CNNM2: variants seen among roughly 807,000 people sequenced by gnomAD.
The protein encoded by CNNM2 is cyclin and CBS domain divalent metal cation transport mediator 2.
CNNM2 carries 12 observed loss-of-function variants against 66.9 expected under a neutral mutation model. The observed-to-expected ratio is 0.18, with a 90% CI of 0.11 to 0.29. The LOEUF is 0.29. Among genes scored for constraint, CNNM2 ranks in the 10% least tolerant of loss-of-function variants. The pLI is 1.00. For synonymous variants in CNNM2, 557 were observed against 501.8 expected (o/e 1.11, Z -1.47); for missense variants, 705 against 1,167.7 (o/e 0.60, Z 5.77).
chr10:103,019,262 C>T (rs1394321218), intron 1 of CNNM2, among the ~76,000 whole-genome samples: 1 of 144,768 alleles, frequency 6.9e-6, no homozygotes, highest in African/African-American at 2.6e-5. Flanking sequence ...TAGTGAGACC[C>T]TGTCTCAAAA....
intron 1 of CNNM2, among the ~76,000 whole-genome samples, chr10:102,954,766 G>A (rs569214400): frequency 7.9e-5 from 12 of 152,176 alleles, no homozygotes; most frequent in Non-Finnish European, 1.3e-4. Context: ...AGAACCACTT[G>A]CTGGCTGGAG....
Position 103,077,191 on chromosome 10 carries a change from C to T in CNNM2, c.*11C>T, listed in dbSNP as rs562150037. The T allele has an allele frequency of 1.9e-6, 3 of 1,610,162 alleles. No homozygotes were observed. Among genetic ancestry groups the T allele is most frequent in the South Asian group, 1.1e-5 (1 of 90,962 alleles). ...GAAGGCGCCATCTAGGCCGCGCTGG[C>T]TGCACCCGCCCAGGCCCGCACCCGC... is the stretch of plus-strand genomic sequence containing the variant. On this transcript the variant is annotated 3_prime_UTR_variant, in exon 8 of 8. Transcript: ENST00000369878.
At chr10:102,998,620 A>G (rs751093485) in intron 1 of CNNM2, among the ~76,000 whole-genome samples, 1 of 152,214 alleles carries the variant, frequency 6.6e-6, no homozygotes, top group Non-Finnish European at 1.5e-5. Flanking sequence ...AAAGGCAGAC[A>G]TAAAACTTTA....
At chr10:103,006,663 G>T (rs1423305678) in intron 1 of CNNM2, among the ~76,000 whole-genome samples, 1 of 152,012 alleles carries the variant, frequency 6.6e-6, no homozygotes, top group African/African-American at 2.4e-5. Flanking sequence ...GTCTCACTCT[G>T]TCACCCAGGC....
intron 1 of CNNM2, among the ~76,000 whole-genome samples, chr10:103,007,209 G>T (rs1303448254): frequency 1.3e-5 from 2 of 152,110 alleles, no homozygotes; most frequent in Non-Finnish European, 2.9e-5. Flanking sequence ...CAGGGAGTAG[G>T]TCACAAAGAT....
intron 1 of CNNM2, among the ~76,000 whole-genome samples, chr10:103,046,024 G>C (rs1415362519): frequency 2.0e-5 from 3 of 152,158 alleles, no homozygotes; most frequent in Admixed American, 6.5e-5. Flanking sequence ...TAAGTTGATG[G>C]TGCCTTAGAA....
At chr10:102,941,032 C>G (rs1379144700) in intron 1 of CNNM2, among the ~76,000 whole-genome samples, 2 of 151,728 alleles carry the variant, frequency 1.3e-5, no homozygotes, top group East Asian at 3.9e-4. Context: ...CATTCTGTAT[C>G]TGGGTGATAC....
chr10:102,943,241 A>C (rs927059673), intron 1 of CNNM2, among the ~76,000 whole-genome samples: 2 of 151,730 alleles, frequency 1.3e-5, no homozygotes, highest in Non-Finnish European at 2.9e-5. Flanking sequence ...ACAAACAAAA[A>C]CCAAAAAAAC....
intron 1 of CNNM2, among the ~76,000 whole-genome samples, chr10:102,969,459 G>T (rs946120438): frequency 5.4e-5 from 8 of 149,440 alleles, no homozygotes; most frequent in African/African-American, 2.0e-4. Flanking sequence ...TGATTTGCCC[G>T]CCTCGGCCTC....
At chr10:102,985,686 A>G (rs947165704) in intron 1 of CNNM2, among the ~76,000 whole-genome samples, 2 of 152,238 alleles carry the variant, frequency 1.3e-5, no homozygotes, top group South Asian at 4.1e-4. Context: ...TTTATGCCTT[A>G]TTCTACAGCA....
Position 103,089,666 on chromosome 10 carries a change from T to C in CNNM2, c.*12486T>C, listed in dbSNP as rs769565424. 6.3e-7 allele frequency: 1 copy of C among 1,586,644 alleles called. No homozygotes were observed. The highest frequency in any genetic ancestry group is 8.6e-7 in the Non-Finnish European group (1 of 1,166,682). On this transcript the variant is annotated 3_prime_UTR_variant, in exon 8 of 8. Transcript: ENST00000369878. ...TAATGGGTGCTTGGGGTTTTGGTTTTCCTCCTTATTCTTCCTCCTCCTCCT... is the reference window on the plus strand; with the variant it reads ...TAATGGGTGCTTGGGGTTTTGGTTTCCCTCCTTATTCTTCCTCCTCCTCCT...
chr10:102,989,966 A>G (rs957713384), intron 1 of CNNM2, among the ~76,000 whole-genome samples: 1 of 146,458 alleles, frequency 6.8e-6, no homozygotes, highest in African/African-American at 2.5e-5. Context: ...TTTTTTTGAG[A>G]CAGAGTCTGG....
chr10:102,958,182 C>CGCCTTAGCCTTAGCCTTA (rs1847119222), intron 1 of CNNM2, among the ~76,000 whole-genome samples: 1 of 152,118 alleles, frequency 6.6e-6, no homozygotes, highest in South Asian at 2.1e-4. Context: ...GTGATCCGCC[C>CGCCTTAGCCTTAGCCTTA]GCCTTAGCCT....
chr10:103,073,956 G>T (rs1006996921), intron 6 of CNNM2, among the ~76,000 whole-genome samples: 9 of 148,678 alleles, frequency 6.1e-5, no homozygotes, highest in Non-Finnish European at 1.0e-4. Context: ...TAAGCACTTT[G>T]TACGTGATCT....
intron 1 of CNNM2, among the ~76,000 whole-genome samples, chr10:103,012,057 A>G (rs1054329174): frequency 2.6e-5 from 4 of 152,176 alleles, no homozygotes; most frequent in African/African-American, 9.7e-5. Context: ...CTATCAGATC[A>G]GCACACTCTT....
At chr10:103,075,962 G>A (rs373672048) in intron 6 of CNNM2, 124 bp from the exon 7 acceptor site, 9 of 907,224 alleles carry the variant, frequency 9.9e-6, no homozygotes, top group East Asian at 5.3e-5. Flanking sequence ...CTGTGCGGCC[G>A]AGACATCTGG....
intron 1 of CNNM2, among the ~76,000 whole-genome samples, chr10:103,005,265 A>G (rs1194101020): frequency 2.0e-5 from 3 of 152,204 alleles, no homozygotes; most frequent in African/African-American, 7.2e-5. Flanking sequence ...TTTATTTGCT[A>G]GTTCATTCTT....
Position 103,015,388 on chromosome 10 carries a change from T to C in CNNM2, c.1622-34319T>C, listed in dbSNP as rs190864614. 1.4e-3 allele frequency among the ~76,000 whole-genome samples: 213 copies of C among 152,324 alleles called. 1 individual carries two copies. Among genetic ancestry groups the C allele is most frequent in the African/African-American group, 4.6e-3 (192 of 41,584 alleles). On this transcript the variant is annotated intron_variant, in intron 1 of 7. Coordinates refer to ENST00000369878, the MANE Select transcript of CNNM2 (RefSeq NM_017649.5). ...GGGAATGGAATTCTGCAGACCCTAC[T>C]CAAACTGTGTCTTTACTGACTGATT...
intron 1 of CNNM2, among the ~76,000 whole-genome samples, chr10:102,980,415 G>T (rs557208943): frequency 6.6e-6 from 1 of 150,726 alleles, no homozygotes; most frequent in Non-Finnish European, 1.5e-5. Context: ...GACTACAGGC[G>T]CATACCACTA....
Sources: gnomAD v4.1 joint callset for allele counts (sites outside exome capture counted in the v4.1 genomes callset) on GRCh38, gnomAD v4.1.1 for gene constraint, MANE v1.5 for transcripts, NCBI Gene and HGNC (gene_info 2026-07-23, HGNC 2026-07-21) for gene names.